Variants in DZIP3 observed in about 807,000 individuals in gnomAD.
DZIP3 encodes DAZ interacting zinc finger protein 3, also known as E3 ubiquitin-protein ligase DZIP3.
DZIP3 carries 118 observed loss-of-function variants against 162.0 expected under a neutral mutation model. That is an observed-to-expected ratio of 0.73 (90% CI 0.63 to 0.85). The LOEUF (loss-of-function observed/expected upper bound fraction) is 0.85, where lower values mean the gene tolerates loss of function less well. DZIP3 is among the 40% of genes least tolerant of loss of function. The pLI, the probability that DZIP3 is intolerant of heterozygous loss-of-function variation, is 0.00. For missense variants in DZIP3, 1,331 were observed against 1,407.0 expected, an observed-to-expected ratio of 0.95 and a Z score of 0.86; for synonymous variants, 438 against 458.6, an observed-to-expected ratio of 0.96 and a Z score of 0.57.
In DZIP3 at chr3:108,677,445, G is replaced by C. The variant is rs1369110173; in HGVS notation, c.2782-52G>C. The C allele has an allele frequency of 4.8e-6, 7 of 1,443,920 alleles. No homozygotes were observed. In the East Asian group the frequency reaches 1.6e-4, roughly 33 times the overall value. The allele number at this position is 1,443,920 out of a possible 1,614,324, so 89.4% of individuals were successfully genotyped here. A position where few individuals can be genotyped will look rare whatever the true frequency, so the allele number is the denominator to read the frequency against. ...ACTACATCAGATATTCCCATATGCTGTCTCTTTAAAGTTGGTTGTTCTCTA... is the reference window on the plus strand; with the variant it reads ...ACTACATCAGATATTCCCATATGCTCTCTCTTTAAAGTTGGTTGTTCTCTA... On this transcript the variant is annotated intron_variant, in intron 25 of 32. Coordinates refer to ENST00000361582, the MANE Select transcript of DZIP3 (RefSeq NM_014648.4).
chr3:108,640,555 C>T (rs1360253521), intron 12 of DZIP3, among the ~76,000 whole-genome samples: 2 of 151,618 alleles, frequency 1.3e-5, no homozygotes, highest in Non-Finnish European at 2.9e-5. Context: ...AAGTGATTCT[C>T]CTGCCTCAGC....
At chr3:108,590,603 G>GA (rs144321137) in intron 1 of DZIP3, among the ~76,000 whole-genome samples, 2,908 of 152,322 alleles carry the variant, frequency 0.019, 100 homozygotes, top group African/African-American at 0.067. Context: ...CAGAGATGAA[G>GA]TAGTATCCCC....
At chr3:108,685,873 C>T (rs1053530815) in intron 27 of DZIP3, among the ~76,000 whole-genome samples, 2 of 152,054 alleles carry the variant, frequency 1.3e-5, no homozygotes, top group Non-Finnish European at 2.9e-5. Context: ...GACCTTTCTC[C>T]GTGTATACAT....
intron 12 of DZIP3, 24 bp downstream of exon 12, chr3:108,637,572 G>A (rs1022751788): frequency 6.3e-7 from 1 of 1,593,128 alleles, no homozygotes; most frequent in Non-Finnish European, 8.6e-7. Flanking sequence ...AAAATACTCT[G>A]TTACCTTTTT....
At chr3:108,669,543 C>A in intron 21 of DZIP3, 138 bp from the exon 22 acceptor site, 1 of 642,708 alleles carries the variant, frequency 1.6e-6, no homozygotes, top group Non-Finnish European at 2.6e-6. Context: ...TATAGGAGTT[C>A]AGTTGTATTC....
At chr3:108,631,094 C>CTCTCTCTCTCTCTCTCTCTCT (rs72570540) in intron 8 of DZIP3, among the ~76,000 whole-genome samples, 13 of 139,578 alleles carry the variant, frequency 9.3e-5, no homozygotes, top group Middle Eastern at 3.5e-3. Context: ...CTCTCTCTCT[C>CTCTCTCTCTCTCTCTCTCTCT]CTATCCTACT....
intron 1 of DZIP3, among the ~76,000 whole-genome samples, chr3:108,603,608 A>G (rs888457583): frequency 6.6e-6 from 1 of 152,226 alleles, no homozygotes; most frequent in Non-Finnish European, 1.5e-5. Context: ...GGGGATGAGC[A>G]AGAAATTAAG....
At chr3:108,637,454 T>C in intron 11 of DZIP3, 42 bp from the exon 12 acceptor site, 1 of 1,567,716 alleles carries the variant, frequency 6.4e-7, no homozygotes. Context: ...ATTTTGAAAA[T>C]TGAACTACTT....
At chr3:108,648,326 A>G in intron 16 of DZIP3, 1 of 423,292 alleles carries the variant, frequency 2.4e-6, no homozygotes, top group South Asian at 5.9e-5. Context: ...ACCATTTCTT[A>G]AACACTTATG....
intron 8 of DZIP3, among the ~76,000 whole-genome samples, chr3:108,629,637 CAT>C (rs1553705128): frequency 3.3e-5 from 5 of 151,890 alleles, no homozygotes; most frequent in African/African-American, 1.2e-4. Flanking sequence ...CACACACACA[CAT>C]ATAAACACCA....
intron 18 of DZIP3, among the ~76,000 whole-genome samples, chr3:108,652,786 G>T (rs550996802): frequency 6.6e-6 from 1 of 151,754 alleles, no homozygotes; most frequent in African/African-American, 2.4e-5. Flanking sequence ...GTTTAGGTAC[G>T]TTTAAATACA....
chr3:108,645,902 A>G (rs1182647477), intron 14 of DZIP3, among the ~76,000 whole-genome samples: 3 of 152,136 alleles, frequency 2.0e-5, no homozygotes, highest in Non-Finnish European at 2.9e-5. Flanking sequence ...CTCTATTAGG[A>G]TTTTAAATAA....
At chr3:108,633,442 G>C (rs1270605236) in intron 9 of DZIP3, among the ~76,000 whole-genome samples, 4 of 152,022 alleles carry the variant, frequency 2.6e-5, no homozygotes, top group African/African-American at 9.7e-5. Context: ...TTACTAAGGA[G>C]AAGGCTGTCA....
chr3:108,628,939 T>C, intron 7 of DZIP3, 123 bp from the exon 8 acceptor site: 2 of 568,364 alleles, frequency 3.5e-6, no homozygotes, highest in East Asian at 3.2e-5. Context: ...TGTATTTCTA[T>C]GGCATGCCAG....
chr3:108,590,168 A>G (rs1192300142), intron 1 of DZIP3: 2 of 152,146 alleles, frequency 1.3e-5, no homozygotes, highest in Non-Finnish European at 2.9e-5. Flanking sequence ...CGAAAATGGC[A>G]CTATTATTTG....
chr3:108,621,714 C>T (rs1941356481), intron 5 of DZIP3, among the ~76,000 whole-genome samples: 1 of 152,084 alleles, frequency 6.6e-6, no homozygotes. Flanking sequence ...CCTCAAAAAA[C>T]TGAAAATAGA....
chr3:108,601,845 A>G (rs1275495824), intron 1 of DZIP3, among the ~76,000 whole-genome samples: 1 of 152,340 alleles, frequency 6.6e-6, no homozygotes, highest in East Asian at 1.9e-4. Flanking sequence ...GAAAATTACC[A>G]GATCACTTCA....
chr3:108,589,593 G>T (rs183100753), upstream of DZIP3: 1 of 428,060 alleles, frequency 2.3e-6, no homozygotes, highest in Non-Finnish European at 4.2e-6. Context: ...CCAGGACGGG[G>T]GTTGGGAGCT....
chr3:108,615,422 CTG>C (rs905135495), intron 4 of DZIP3, among the ~76,000 whole-genome samples: 2 of 152,120 alleles, frequency 1.3e-5, no homozygotes, highest in African/African-American at 4.8e-5. Context: ...AATTTGGAAA[CTG>C]TCAGTATGTA....
Sources: allele counts gnomAD v4.1 joint callset (sites outside exome capture counted in the v4.1 genomes callset), GRCh38; gene constraint gnomAD v4.1.1; transcripts MANE v1.5; gene names NCBI Gene and HGNC (gene_info 2026-07-23, HGNC 2026-07-21).